SYNPR: variants seen among roughly 807,000 people sequenced by gnomAD.
The protein encoded by SYNPR is synaptoporin.
SYNPR carries 23 observed loss-of-function variants against 32.9 expected under a neutral mutation model. That is an observed-to-expected ratio of 0.70 (90% confidence interval 0.50 to 0.99). SYNPR has a LOEUF of 0.99. Ranked by LOEUF, SYNPR falls within the 50% of genes least tolerant of loss-of-function variation. The probability of loss-of-function intolerance (pLI) is 0.00; values close to 1 mark genes in which losing one functional copy is unlikely to be tolerated. For synonymous variants in SYNPR, 146 were observed against 135.9 expected (o/e 1.07, Z -0.52); for missense variants, 318 against 349.3 (o/e 0.91, Z 0.71).
intron 4 of SYNPR, among the ~76,000 whole-genome samples, chr3:63,563,426 C>T (rs752830567): frequency 6.6e-6 from 1 of 152,178 alleles, no homozygotes; most frequent in Non-Finnish European, 1.5e-5. Context: ...TCTTTCCCAC[C>T]AGCTACACCT....
chr3:63,390,602 G>T (rs933106629), intron 2 of SYNPR, among the ~76,000 whole-genome samples: 1 of 152,210 alleles, frequency 6.6e-6, no homozygotes, highest in Non-Finnish European at 1.5e-5. Flanking sequence ...TATGCATCCT[G>T]TTGTGTGAAC....
intron 2 of SYNPR, among the ~76,000 whole-genome samples, chr3:63,430,380 A>T (rs1470817453): frequency 6.6e-6 from 1 of 151,944 alleles, no homozygotes; most frequent in Non-Finnish European, 1.5e-5. Flanking sequence ...ACACACACAC[A>T]CACACACACA....
intron 3 of SYNPR, among the ~76,000 whole-genome samples, chr3:63,514,814 T>G (rs900323499): frequency 6.6e-6 from 1 of 152,146 alleles, no homozygotes. Flanking sequence ...ACTTGCTCTT[T>G]TGATAGCCTT....
chr3:63,254,940 C>A (rs570963041), intron 2 of SYNPR, among the ~76,000 whole-genome samples: 72 of 152,218 alleles, frequency 4.7e-4, no homozygotes, highest in African/African-American at 1.7e-3. Flanking sequence ...GATGGCCATC[C>A]ATGGAAGAGG....
chr3:63,202,484 A>G, the SYNPR span, among the ~76,000 whole-genome samples: 1 of 152,212 alleles, frequency 6.6e-6, no homozygotes, highest in East Asian at 1.9e-4. Context: ...GTCAGCAGTT[A>G]TCCCTCAGTG....
intron 2 of SYNPR, among the ~76,000 whole-genome samples, chr3:63,395,231 T>C (rs2088196312): frequency 6.6e-6 from 1 of 152,210 alleles, no homozygotes; most frequent in South Asian, 2.1e-4. Context: ...TTATTGGAAA[T>C]AATATTACCA....
chr3:63,424,620 T>G (rs576841719), intron 2 of SYNPR, among the ~76,000 whole-genome samples: 4 of 152,322 alleles, frequency 2.6e-5, no homozygotes, highest in South Asian at 2.1e-4. Context: ...AAAACCATAG[T>G]ATCTTTAAAC....
intron 3 of SYNPR, among the ~76,000 whole-genome samples, chr3:63,269,397 G>A (rs758077546): frequency 6.6e-5 from 10 of 152,012 alleles, no homozygotes; most frequent in Non-Finnish European, 1.3e-4. Flanking sequence ...GCTGAGGCAG[G>A]AGAATCACTT....
intron 3 of SYNPR, among the ~76,000 whole-genome samples, chr3:63,535,066 A>C (rs1702177998): frequency 1.3e-5 from 2 of 152,162 alleles, no homozygotes; most frequent in African/African-American, 4.8e-5. Context: ...GGATCAAACA[A>C]ATTAAGTAAC....
chr3:63,570,083 G>A (rs1702860024), intron 4 of SYNPR, among the ~76,000 whole-genome samples: 1 of 152,102 alleles, frequency 6.6e-6, no homozygotes, highest in Non-Finnish European at 1.5e-5. Flanking sequence ...GTTGATTCAA[G>A]ATTGAAAAAA....
intron 2 of SYNPR, among the ~76,000 whole-genome samples, chr3:63,463,669 C>T (rs1028703617): frequency 8.6e-5 from 13 of 152,026 alleles, no homozygotes; most frequent in African/African-American, 2.7e-4. Context: ...AATATATGCA[C>T]ACATGAAAAA....
chr3:63,406,102 G>A (rs1389440457), intron 2 of SYNPR, among the ~76,000 whole-genome samples: 1 of 151,866 alleles, frequency 6.6e-6, no homozygotes, highest in African/African-American at 2.4e-5. Context: ...GGCACTAGCA[G>A]TCTGACTCCA....
chr3:63,521,383 A>T (rs1701911356), intron 3 of SYNPR, among the ~76,000 whole-genome samples: 1 of 152,106 alleles, frequency 6.6e-6, no homozygotes, highest in Non-Finnish European at 1.5e-5. Flanking sequence ...GTAGAATCCA[A>T]CTCTATGCTG....
At chr3:63,488,731 C>T (rs1220066259) in intron 3 of SYNPR, among the ~76,000 whole-genome samples, 1 of 152,088 alleles carries the variant, frequency 6.6e-6, no homozygotes, top group African/African-American at 2.4e-5. Flanking sequence ...AAGAAATTGG[C>T]ACCAGAATTC....
chr3:63,614,825 C>T (rs6785323), intron 5 of SYNPR, among the ~76,000 whole-genome samples: 15,539 of 152,192 alleles, frequency 0.1, 789 homozygotes, highest in Non-Finnish European at 0.12. Context: ...ATGAAGGATA[C>T]TTTATTTGGA....
chr3:63,613,610 C>CAAAAAAAAAAAAAAAAAA (rs10566584), intron 5 of SYNPR, among the ~76,000 whole-genome samples: 2 of 46,026 alleles, frequency 4.3e-5, no homozygotes, highest in African/African-American at 1.7e-4. Flanking sequence ...TATGCTGCAG[C>CAAAAAAAAAAAAAAAAAA]AAAAAAAAAA....
At chr3:63,211,167 C>CT in the SYNPR span, among the ~76,000 whole-genome samples, 1 of 152,158 alleles carries the variant, frequency 6.6e-6, no homozygotes, top group South Asian at 2.1e-4. Context: ...CTCCTGGGTT[C>CT]AAGCAGTTCC....
At chr3:63,318,684 T>C (rs1479425580) in intron 2 of SYNPR, among the ~76,000 whole-genome samples, 1 of 152,044 alleles carries the variant, frequency 6.6e-6, no homozygotes, top group Non-Finnish European at 1.5e-5. Context: ...TTGGATTTCT[T>C]TGCATTGGGC....
At chr3:63,540,585 A>G (rs112708051) in intron 3 of SYNPR, among the ~76,000 whole-genome samples, 7 of 152,024 alleles carry the variant, frequency 4.6e-5, no homozygotes, top group African/African-American at 1.7e-4. Context: ...GGAAGGGGAA[A>G]TGGTTGTAAC....
Sources: allele counts gnomAD v4.1 joint callset (sites outside exome capture counted in the v4.1 genomes callset), GRCh38; gene constraint gnomAD v4.1.1; transcripts MANE v1.5; gene names NCBI Gene and HGNC (gene_info 2026-07-23, HGNC 2026-07-21).